FNDC1: variants seen among roughly 807,000 people sequenced by gnomAD.
FNDC1 encodes the protein fibronectin type III domain containing 1.
A neutral mutation model predicts 168.0 loss-of-function variants in FNDC1; 96 were observed. The ratio of observed to expected loss-of-function variants is 0.57; its 90% CI spans 0.48 to 0.68. FNDC1 has a LOEUF of 0.68. Among genes scored for constraint, FNDC1 ranks in the 30% least tolerant of loss-of-function variants. FNDC1 has a pLI of 0.00. For missense variants in FNDC1, 2,587 were observed against 2,482.1 expected (o/e 1.04, Z -0.90); for synonymous variants, 1,099 against 1,025.9 (o/e 1.07, Z -1.36).
intron 22 of FNDC1, among the ~76,000 whole-genome samples, chr6:159,269,534 C>CCATT (rs1318961611): frequency 3.1e-4 from 47 of 150,392 alleles, no homozygotes; most frequent in African/African-American, 1.1e-3. Flanking sequence ...ATCCATCCAT[C>CCATT]CATCCATCCA....
At chr6:159,188,541 A>AT (rs376851284) in intron 1 of FNDC1, among the ~76,000 whole-genome samples, 10,908 of 144,982 alleles carry the variant, frequency 0.075, 559 homozygotes, top group Middle Eastern at 0.11. Flanking sequence ...GGCCCGGCTA[A>AT]TTTTTTTTTT....
Position 159,169,985 on chromosome 6 carries a change from C to A in FNDC1, c.109+280C>A, listed in dbSNP as rs1350048653. 1.1e-5 allele frequency: 2 copies of A among 187,726 alleles called. No individual in the cohort carries two copies. The highest frequency in any genetic ancestry group is 6.2e-5 in the Admixed American group (1 of 16,244). The allele number at this position is 187,726 out of a possible 1,614,324, so 11.6% of individuals were successfully genotyped here. ...AGTGTCCCGGGAGATTCAGGCACAG[C>A]GGGGAAAAAAGGAAAAGAAAGGCGA... On this transcript the variant is annotated intron_variant, in intron 1 of 22. Coordinates refer to ENST00000297267, the MANE Select transcript of FNDC1 (RefSeq NM_032532.3). This position sits in a 1 kb window ranked among gnomAD's most constrained non-coding sequence, Gnocchi z 6.8.
At chr6:159,234,513 G>A in intron 11 of FNDC1, 34 bp downstream of exon 11, 1 of 1,597,782 alleles carries the variant, frequency 6.3e-7, no homozygotes, top group East Asian at 2.2e-5. Flanking sequence ...TTTCTTTAAG[G>A]TGTTCAGTGG....
At chr6:159,204,708 G>T (rs1174514192) in intron 4 of FNDC1, among the ~76,000 whole-genome samples, 2 of 152,202 alleles carry the variant, frequency 1.3e-5, no homozygotes, top group East Asian at 3.9e-4. Flanking sequence ...GCTGGGCTTT[G>T]TGAGACAGAT....
In FNDC1 at chr6:159,269,237, CT is replaced by C. The variant is rs1324178004; in HGVS notation, c.5569+1312del. Among the ~76,000 whole-genome samples, 726 of 138,856 alleles carry C rather than the reference CT, an allele frequency of 5.2e-3. 9 individuals are homozygous for C. The highest frequency in any genetic ancestry group is 0.018 in the African/African-American group (604 of 34,022). 91.1% of individuals were successfully genotyped at this position (138,856 alleles called of 152,430 possible). ...TCTATCTATCTATCTATCTATCTAT[CT>C]ATCTATCTATCCATCTATCATCTAT... On this transcript the variant is annotated intron_variant, in intron 22 of 22. Transcript: ENST00000297267.
In FNDC1 at chr6:159,232,312, T is replaced by C. The variant is rs1783105035; in HGVS notation, c.1800T>C (p.Pro600=). The stretch of plus-strand genomic sequence containing the variant: ...CCCGAAGGGAAGGCGTAGATAAGCC[T>C]GGCTTTTCCCTGGCCACGCAGCCCC... The part of the protein sequence containing the change: ...ALPRREGVDK[P]GFSLATQPRP... The change falls in exon 11 of 23, where the codon CCT becomes CCC. Residue 600 remains proline (P), a synonymous_variant. Transcript: ENST00000297267. This position sits in a 1 kb window ranked among gnomAD's most constrained non-coding sequence, Gnocchi z 4.9. 1.2e-6 allele frequency: 2 copies of C among 1,612,996 alleles called. No homozygotes were observed. The highest frequency in any genetic ancestry group is 1.1e-5 in the South Asian group (1 of 90,938).
chr6:159,204,777 C>T lies in FNDC1; in HGVS notation c.460+4196C>T, dbSNP rs150262533. Among the ~76,000 whole-genome samples, 13 of 152,344 alleles carry T rather than the reference C, an allele frequency of 8.5e-5. 1 individual carries two copies. The East Asian group carries it at 2.5e-3, about 29-fold the overall frequency. ...GTCAGAGCTGGTTTTCTCACTTCAT[C>T]CAGGTCCTCAGTGCTGCTTGGCCAC... On this transcript the variant is annotated intron_variant, in intron 4 of 22. Coordinates refer to ENST00000297267, the MANE Select transcript of FNDC1 (RefSeq NM_032532.3).
At position 159,232,090 on chromosome 6, in the gene FNDC1, C is replaced by T. The variant is rs530210486; in HGVS notation, c.1578C>T (p.Arg526=). The T allele has an allele frequency of 3.1e-5, 50 of 1,613,794 alleles. No individual in the cohort carries two copies. The highest frequency in any genetic ancestry group is 3.7e-5 in the Non-Finnish European group (44 of 1,179,804). ...GGGCGCCCCGAAAACCCCAGCTTCG[C>T]GCCAAGAAGGCAGAGGAGCTGGATC... ...NGGAPRKPQL[R]AKKAEELDLQ... The change falls in exon 11 of 23, where the codon CGC becomes CGT. Residue 526 remains arginine, a synonymous_variant. Coordinates refer to ENST00000297267, the MANE Select transcript of FNDC1 (RefSeq NM_032532.3). The surrounding 1 kb of genome is among the most constrained non-coding windows in gnomAD (Gnocchi z 4.9).
chr6:159,208,242 A>G (rs2114959037), intron 4 of FNDC1, among the ~76,000 whole-genome samples: 1 of 152,360 alleles, frequency 6.6e-6, no homozygotes, highest in African/African-American at 2.4e-5. Context: ...CTGCTGTTGC[A>G]GATGGCACAG....
rs370912682 is a variant in FNDC1, at chr6:159,232,659, C to T, written c.2147C>T (p.Pro716Leu). ...GAAGATTCCAGTGCCTCAGCCCCAC[C>T]CTCAAGACTTTCTCCACCCCATGGG... is the stretch of plus-strand genomic sequence containing the variant. ...AEEDSSASAP[P>L]SRLSPPHGGS... The change falls in exon 11 of 23, where the codon CCC becomes CTC. Residue 716 changes from proline to leucine, a missense_variant. Transcript: ENST00000297267. The surrounding 1 kb of genome is among the most constrained non-coding windows in gnomAD (Gnocchi z 4.9). 6 of 1,613,606 alleles carry T rather than the reference C, an allele frequency of 3.7e-6. No homozygotes were observed. Among genetic ancestry groups the T allele is most frequent in the Non-Finnish European group, 5.1e-6 (6 of 1,179,716 alleles).
At chr6:159,205,620 G>A (rs1782470793) in intron 4 of FNDC1, among the ~76,000 whole-genome samples, 1 of 152,174 alleles carries the variant, frequency 6.6e-6, no homozygotes, top group South Asian at 2.1e-4. Context: ...GATTCAACAA[G>A]AGGCTTCTAG....
At chr6:159,208,374 C>T (rs2655471) in intron 4 of FNDC1, among the ~76,000 whole-genome samples, 72,233 of 152,076 alleles carry the variant, frequency 0.47, 19,325 homozygotes, top group African/African-American at 0.73. Context: ...TACACAGTGG[C>T]AGGATAAGGG....
intron 1 of FNDC1, among the ~76,000 whole-genome samples, chr6:159,185,542 G>A (rs907021765): frequency 5.9e-5 from 9 of 152,150 alleles, no homozygotes; most frequent in Admixed American, 4.6e-4. Flanking sequence ...GGTTTAACAA[G>A]GTTATGGACA....
rs374651564 is a variant in FNDC1, at chr6:159,232,671, C to G, written c.2159C>G (p.Ser720Cys). Residue 720 changes from serine to cysteine, a missense_variant, in exon 11 of 23, where the codon TCT becomes TGT. Physicochemically the swap from Ser to Cys is moderately radical, Grantham distance 112. Coordinates refer to ENST00000297267, the MANE Select transcript of FNDC1 (RefSeq NM_032532.3). This position sits in a 1 kb window ranked among gnomAD's most constrained non-coding sequence, Gnocchi z 4.9. Reference protein sequence around the residue: ...SSASAPPSRLSPPHGGSSRLL... With the variant: ...SSASAPPSRLCPPHGGSSRLL... Reference sequence around the variant, plus strand: ...GCCTCAGCCCCACCCTCAAGACTTTCTCCACCCCATGGGGGATCATCTCGG... The same window carrying G: ...GCCTCAGCCCCACCCTCAAGACTTTGTCCACCCCATGGGGGATCATCTCGG... 1 of 1,613,650 alleles carries G rather than the reference C, an allele frequency of 6.2e-7. No homozygotes were observed. The highest frequency in any genetic ancestry group is 1.3e-5 in the African/African-American group (1 of 74,938).
chr6:159,172,266 T>C (rs1011240982), intron 1 of FNDC1, among the ~76,000 whole-genome samples: 1 of 152,226 alleles, frequency 6.6e-6, no homozygotes, highest in Admixed American at 6.5e-5. Context: ...TTAAGCTAGC[T>C]GGTTTTTTAA....
intron 10 of FNDC1, among the ~76,000 whole-genome samples, chr6:159,231,499 A>G (rs530347725): frequency 5.3e-5 from 8 of 152,348 alleles, no homozygotes; most frequent in African/African-American, 1.9e-4. Context: ...AAGGACAGCT[A>G]TAATGCATTT....
chr6:159,240,049 G>T, intron 14 of FNDC1, 92 bp downstream of exon 14: 2 of 1,244,518 alleles, frequency 1.6e-6, no homozygotes, highest in Non-Finnish European at 2.2e-6. Context: ...GGGGAGGTAT[G>T]AGCACCGTGC....
At chr6:159,177,379 C>T (rs1781785874) in intron 1 of FNDC1, among the ~76,000 whole-genome samples, 1 of 152,080 alleles carries the variant, frequency 6.6e-6, no homozygotes, top group Non-Finnish European at 1.5e-5. Context: ...GGTGATGTCT[C>T]CTAATTTTTC....
chr6:159,222,975 G>T (rs910861641), intron 6 of FNDC1, among the ~76,000 whole-genome samples: 6 of 147,286 alleles, frequency 4.1e-5, no homozygotes, highest in African/African-American at 1.5e-4. Context: ...CTTTTAAAGT[G>T]AAATACTCAT....
Sources: gnomAD v4.1 joint callset for allele counts (sites outside exome capture counted in the v4.1 genomes callset) on GRCh38, gnomAD v4.1.1 for gene constraint, Gnocchi (gnomAD v3.1) non-coding constraint, MANE v1.5 for transcripts, NCBI Gene and HGNC (gene_info 2026-07-23, HGNC 2026-07-21) for gene names.